DNAH6: variants seen among roughly 807,000 people sequenced by gnomAD.
The protein encoded by DNAH6 is dynein axonemal heavy chain 6.
A neutral mutation model predicts 491.4 loss-of-function variants in DNAH6; 340 were observed. The observed-to-expected ratio is 0.69, with a 90% CI of 0.63 to 0.76. The LOEUF (loss-of-function observed/expected upper bound fraction) is 0.76. DNAH6 is among the 30% of genes least tolerant of loss of function. The pLI, the probability that DNAH6 is intolerant of heterozygous loss-of-function variation, is 0.00. For synonymous variants in DNAH6, 1,603 were observed against 1,686.1 expected, an observed-to-expected ratio of 0.95 and a Z score of 1.21; for missense variants, 4,443 against 4,972.2, an observed-to-expected ratio of 0.89 and a Z score of 3.20.
At chr2:84,759,322 AC>A (rs1409395732) in intron 63 of DNAH6, among the ~76,000 whole-genome samples, 1 of 152,110 alleles carries the variant, frequency 6.6e-6, no homozygotes, top group Non-Finnish European at 1.5e-5. Context: ...AGCCTGGGCA[AC>A]ATGGCAAAAC....
At chr2:84,596,913 G>A (rs1041312850) in intron 18 of DNAH6, among the ~76,000 whole-genome samples, 6 of 152,000 alleles carry the variant, frequency 3.9e-5, no homozygotes, top group African/African-American at 9.7e-5. Context: ...GGGTTCCCTC[G>A]AAATCCTAGT....
chr2:84,530,259 A>G (rs1458622967), intron 4 of DNAH6, among the ~76,000 whole-genome samples: 1 of 152,158 alleles, frequency 6.6e-6, no homozygotes, highest in Non-Finnish European at 1.5e-5. Context: ...AATAGAGGCA[A>G]AGAGGATTAG....
chr2:84,471,173 C>A, the DNAH6 span, among the ~76,000 whole-genome samples: 1 of 152,192 alleles, frequency 6.6e-6, no homozygotes, highest in Non-Finnish European at 1.5e-5. Context: ...TTTTTCCCAA[C>A]ATGCTCCCCT....
chr2:84,508,558 T>G, the DNAH6 span, among the ~76,000 whole-genome samples: 1 of 152,158 alleles, frequency 6.6e-6, no homozygotes, highest in Non-Finnish European at 1.5e-5. Context: ...TTTTATGTCT[T>G]TATTTCCTTT....
intron 58 of DNAH6, among the ~76,000 whole-genome samples, chr2:84,717,004 A>G (rs747211673): frequency 4.7e-4 from 71 of 152,198 alleles, no homozygotes; most frequent in Middle Eastern, 3.4e-3. Flanking sequence ...GATCCTCTCA[A>G]TTTTGAACAC....
intron 4 of DNAH6, among the ~76,000 whole-genome samples, chr2:84,536,982 G>A (rs1475471133): frequency 6.6e-6 from 1 of 151,918 alleles, no homozygotes; most frequent in East Asian, 1.9e-4. Context: ...TAAAGAAATT[G>A]TAATTAATGT....
At position 84,819,301 on chromosome 2, in the gene DNAH6, T is replaced by C. The variant is rs768330295; in HGVS notation, c.12374-4T>C. 33 of 1,542,326 alleles carry C rather than the reference T, an allele frequency of 2.1e-5. No individual in the cohort carries two copies. Among genetic ancestry groups the C allele is most frequent in the African/African-American group, 2.8e-5 (2 of 72,638 alleles). On this transcript the variant is annotated splice_polypyrimidine_tract_variant and splice_region_variant and intron_variant, in intron 76 of 76. Transcript: ENST00000389394. ...CAACCTTTTTTTCCTATATCCTTAA[T>C]TAGGACATTCAACCAATTTTGTGGT...
At chr2:84,552,671 T>A (rs942898223) in intron 9 of DNAH6, among the ~76,000 whole-genome samples, 2 of 152,162 alleles carry the variant, frequency 1.3e-5, no homozygotes, top group Non-Finnish European at 2.9e-5. Context: ...GTCTTCCCAG[T>A]TTGTTTGCCT....
intron 41 of DNAH6, 133 bp downstream of exon 41, chr2:84,677,269 T>C (rs1184325810): frequency 3.1e-5 from 37 of 1,182,838 alleles, no homozygotes; most frequent in Non-Finnish European, 4.1e-5. Context: ...AGGAAGCAGG[T>C]AAATATGGAC....
rs2104483994 is a variant in DNAH6 at position 84,536,372 on chromosome 2, T to G, written c.662+7206T>G. ...TGCCAGGAAATATATTAACACTTAC[T>G]GACAAAGATTAGGAATCGACAGCAA... On this transcript the variant is annotated intron_variant, in intron 4 of 76. Coordinates refer to ENST00000389394, the MANE Select transcript of DNAH6 (RefSeq NM_001370.2). 2.0e-5 allele frequency among the ~76,000 whole-genome samples: 3 copies of G among 152,178 alleles called. No individual in the cohort carries two copies. The Middle Eastern group carries it at 0.01, about 518-fold the overall frequency.
chr2:84,498,885 C>T, the DNAH6 span, among the ~76,000 whole-genome samples: 1 of 152,084 alleles, frequency 6.6e-6, no homozygotes, highest in African/African-American at 2.4e-5. Flanking sequence ...CAAAGAGAGG[C>T]ACACATCCAT....
chr2:84,531,344 ATTTTTTTTTAT>A (rs1432440105), intron 4 of DNAH6, among the ~76,000 whole-genome samples: 2 of 1,412 alleles, frequency 1.4e-3, no homozygotes, highest in African/African-American at 2.4e-3. Context: ...TTTATTTTTT[ATTTTTTTTTAT>A]TTTTTTTTTT....
chr2:84,653,446 G>T lies in DNAH6; in HGVS notation c.5206G>T (p.Val1736Leu). 6.4e-7 allele frequency: 1 copy of T among 1,551,222 alleles called. No individual in the cohort carries two copies. The highest frequency in any genetic ancestry group is 8.7e-7 in the Non-Finnish European group (1 of 1,146,682). Reference sequence around the variant, plus strand: ...GCCTGAGATGTGTATGGTTAGAAAGGTGATACAGTTTTATGAAACTATGCT... The same window carrying T: ...GCCTGAGATGTGTATGGTTAGAAAGTTGATACAGTTTTATGAAACTATGCT... Reference protein sequence around the residue: ...LQPEMCMVRKVIQFYETMLVR... With the variant: ...LQPEMCMVRKLIQFYETMLVR... Residue 1736 changes from valine (V) to leucine (L), a missense_variant, in exon 34 of 77, where the codon GTG (valine) becomes TTG (leucine). By Grantham distance (32) the Val-to-Leu change is conservative (BLOSUM62 1). This residue lies in a region of DNAH6 where 2,977 missense variants were observed against 3,296.6 expected (regional missense o/e 0.90). Coordinates refer to ENST00000389394, the MANE Select transcript of DNAH6 (RefSeq NM_001370.2).
intron 18 of DNAH6, among the ~76,000 whole-genome samples, chr2:84,602,366 T>G (rs192594619): frequency 2.0e-4 from 30 of 152,076 alleles, no homozygotes; most frequent in Admixed American, 1.6e-3. Context: ...GAGACAACAG[T>G]TTTTGTTTCT....
chr2:84,605,822 G>C (rs970359228), intron 20 of DNAH6, among the ~76,000 whole-genome samples: 1 of 152,194 alleles, frequency 6.6e-6, no homozygotes, highest in East Asian at 1.9e-4. Flanking sequence ...ACCTGTAGTT[G>C]GTAACTATTG....
chr2:84,714,543 T>A (rs1697344121), intron 57 of DNAH6, among the ~76,000 whole-genome samples: 2 of 152,100 alleles, frequency 1.3e-5, no homozygotes, highest in African/African-American at 4.8e-5. Context: ...TATATAATAG[T>A]GCAACAGGGC....
intron 4 of DNAH6, among the ~76,000 whole-genome samples, chr2:84,529,548 A>T (rs1031502153): frequency 5.9e-5 from 1 of 16,898 alleles, no homozygotes; most frequent in Non-Finnish European, 9.6e-5. Context: ...TAGAGTAGAA[A>T]TAAGGATTTT....
At chr2:84,738,438 G>A (rs895733179) in intron 62 of DNAH6, among the ~76,000 whole-genome samples, 11 of 152,134 alleles carry the variant, frequency 7.2e-5, no homozygotes, top group Middle Eastern at 3.4e-3. Flanking sequence ...CTATCAATGG[G>A]GTGTTGTGTG....
intron 63 of DNAH6, among the ~76,000 whole-genome samples, chr2:84,760,457 TAAC>T: frequency 6.6e-6 from 1 of 151,646 alleles, no homozygotes; most frequent in South Asian, 2.1e-4. Flanking sequence ...TCAACAACAA[TAAC>T]AAAGAAAAGA....
Sources: allele counts gnomAD v4.1 joint callset (sites outside exome capture counted in the v4.1 genomes callset), GRCh38; gene constraint gnomAD v4.1.1; regional missense constraint gnomAD v4.1.1; transcripts MANE v1.5; gene names NCBI Gene and HGNC (gene_info 2026-07-23, HGNC 2026-07-21).